Variants in MDGA2 observed in about 807,000 individuals in gnomAD.
MDGA2 encodes MAM domain containing glycosylphosphatidylinositol anchor 2, also known as MAM domain-containing glycosylphosphatidylinositol anchor protein 2.
Under a neutral mutation model 117.8 loss-of-function variants are expected in MDGA2, and 40 were observed. The observed-to-expected ratio is 0.34, with a 90% CI of 0.26 to 0.44. The LOEUF (loss-of-function observed/expected upper bound fraction) is 0.44, where lower values mean the gene tolerates loss of function less well. Ranked by LOEUF, MDGA2 falls within the 20% of genes least tolerant of loss-of-function variation. The pLI, the probability that MDGA2 is intolerant of heterozygous loss-of-function variation, is 1.00. For synonymous variants in MDGA2, 452 were observed against 439.0 expected, an observed-to-expected ratio of 1.03 and a Z score of -0.37; for missense variants, 1,123 against 1,250.6, an observed-to-expected ratio of 0.90 and a Z score of 1.54.
chr14:47,338,422 C>G lies in MDGA2; in HGVS notation c.281-36872G>C, dbSNP rs183755833. On this transcript the variant is annotated intron_variant, in intron 1 of 16. Transcript: ENST00000399232. ...TGCTAGTATCATGGGCTATAATGTC[C>G]TCATATATATATATATGAAATATAT... Among the ~76,000 whole-genome samples, 638 of 148,910 alleles carry G rather than the reference C, an allele frequency of 4.3e-3. 8 individuals carry two copies. The highest frequency in any genetic ancestry group is 0.015 in the African/African-American group (600 of 40,800).
intron 9 of MDGA2, among the ~76,000 whole-genome samples, chr14:46,956,639 A>T (rs1885571715): frequency 6.7e-6 from 1 of 148,394 alleles, no homozygotes; most frequent in South Asian, 2.1e-4. Context: ...TTCACATGAG[A>T]TTTGAATAGA....
intron 1 of MDGA2, among the ~76,000 whole-genome samples, chr14:47,414,969 T>G (rs1892445529): frequency 1.3e-5 from 2 of 152,110 alleles, no homozygotes; most frequent in Admixed American, 6.6e-5. Flanking sequence ...ATCTTAATAG[T>G]GAAAATGTAA....
intron 1 of MDGA2, among the ~76,000 whole-genome samples, chr14:47,394,025 G>A (rs192762140): frequency 7.9e-5 from 12 of 152,172 alleles, no homozygotes; most frequent in African/African-American, 2.9e-4. Flanking sequence ...ATACAAAATT[G>A]CTTGTGAACC....
intron 8 of MDGA2, among the ~76,000 whole-genome samples, chr14:47,004,817 C>G (rs1294689066): frequency 6.6e-6 from 1 of 151,648 alleles, no homozygotes; most frequent in South Asian, 2.1e-4. Flanking sequence ...TTTTCCCTGA[C>G]AATCATACAG....
At chr14:46,963,246 A>G (rs1267534909) in intron 8 of MDGA2, among the ~76,000 whole-genome samples, 2 of 152,224 alleles carry the variant, frequency 1.3e-5, no homozygotes, top group Non-Finnish European at 2.9e-5. Flanking sequence ...ATTTGTCACT[A>G]TATCCACTAC....
rs77857978 is a variant in MDGA2 at position 47,567,411 on chromosome 14, T to A, written c.280+107106A>T. Among the ~76,000 whole-genome samples, 593 of 152,326 alleles carry A rather than the reference T, an allele frequency of 3.9e-3. 3 individuals carry two copies. Among genetic ancestry groups the A allele is most frequent in the African/African-American group, 0.013 (555 of 41,586 alleles). ...CATACATTATCCTAGAAATGCTACA[T>A]GTTGAATGACACACTCTAGCAACCA... On this transcript the variant is annotated intron_variant, in intron 1 of 16. Transcript: ENST00000399232.
chr14:47,511,244 C>T (rs1894633847), intron 1 of MDGA2, among the ~76,000 whole-genome samples: 1 of 152,018 alleles, frequency 6.6e-6, no homozygotes, highest in African/African-American at 2.4e-5. Flanking sequence ...CAAAAGAAAC[C>T]TCATTACTGG....
chr14:47,262,057 A>T (rs1887814172), intron 2 of MDGA2, among the ~76,000 whole-genome samples: 2 of 152,178 alleles, frequency 1.3e-5, no homozygotes, highest in Admixed American at 1.3e-4. Flanking sequence ...GGCTGTAAAC[A>T]GGGAGCTGTG....
intron 1 of MDGA2, among the ~76,000 whole-genome samples, chr14:47,409,151 A>T (rs1449097158): frequency 1.3e-5 from 2 of 152,336 alleles, no homozygotes; most frequent in Non-Finnish European, 2.9e-5. Context: ...GAAGATGTAG[A>T]GAAAGCAAAT....
rs1199954820 is a variant in MDGA2, at chr14:46,900,801, TACAC to T, written c.2239-18584_2239-18581del. ...AAAGCTACGCACATGCAAACACAGA[TACAC>T]AAACAAATGAGTGCATGCATGTACA... On this transcript the variant is annotated intron_variant, in intron 10 of 16. Transcript: ENST00000399232. 5.3e-5 allele frequency among the ~76,000 whole-genome samples: 8 copies of T among 152,200 alleles called. No homozygotes were observed. In the South Asian group the frequency reaches 1.2e-3, roughly 24 times the overall value.
intron 6 of MDGA2, among the ~76,000 whole-genome samples, chr14:47,065,636 T>A (rs1019778131): frequency 6.6e-6 from 1 of 152,202 alleles, no homozygotes; most frequent in Non-Finnish European, 1.5e-5. Flanking sequence ...AAATGTTCCA[T>A]GAAGTATGCA....
intron 1 of MDGA2, among the ~76,000 whole-genome samples, chr14:47,446,962 C>G (rs1893136031): frequency 6.6e-6 from 1 of 152,136 alleles, no homozygotes; most frequent in Non-Finnish European, 1.5e-5. Flanking sequence ...CTTGTAGTGA[C>G]TCTAATCATT....
intron 5 of MDGA2, among the ~76,000 whole-genome samples, chr14:47,112,562 C>T (rs1881100203): frequency 6.6e-6 from 1 of 152,124 alleles, no homozygotes; most frequent in Non-Finnish European, 1.5e-5. Flanking sequence ...CATGTCCCTG[C>T]AAAGAACATC....
intron 1 of MDGA2, among the ~76,000 whole-genome samples, chr14:47,627,068 A>G (rs113409486): frequency 0.02 from 3,005 of 152,310 alleles, 98 homozygotes; most frequent in African/African-American, 0.067. Flanking sequence ...GAATGCACCA[A>G]TCGGCACTCT....
chr14:47,442,723 A>G (rs779327683), intron 1 of MDGA2, among the ~76,000 whole-genome samples: 8 of 152,078 alleles, frequency 5.3e-5, no homozygotes, highest in Non-Finnish European at 1.0e-4. Flanking sequence ...CGGATACCAC[A>G]TCTGTGTATT....
At chr14:47,426,390 T>C (rs1443948077) in intron 1 of MDGA2, among the ~76,000 whole-genome samples, 2 of 152,012 alleles carry the variant, frequency 1.3e-5, no homozygotes, top group Admixed American at 1.3e-4. Context: ...GTTTTCAGTA[T>C]GCCCCTACTT....
intron 1 of MDGA2, among the ~76,000 whole-genome samples, chr14:47,630,633 CA>C (rs1897238115): frequency 6.6e-6 from 1 of 152,104 alleles, no homozygotes; most frequent in Non-Finnish European, 1.5e-5. Flanking sequence ...CAAAATAAGC[CA>C]TATGCAGCTA....
At chr14:47,663,943 A>G (rs1389175286) in intron 1 of MDGA2, among the ~76,000 whole-genome samples, 2 of 152,160 alleles carry the variant, frequency 1.3e-5, no homozygotes, top group Non-Finnish European at 2.9e-5. Flanking sequence ...TTCAACAACA[A>G]GATCAATACA....
intron 1 of MDGA2, among the ~76,000 whole-genome samples, chr14:47,543,216 A>G (rs1895388167): frequency 6.6e-6 from 1 of 152,188 alleles, no homozygotes; most frequent in South Asian, 2.1e-4. Context: ...TCCCAGCGAC[A>G]ACAGCAGAGA....
Sources: gnomAD v4.1 joint callset for allele counts (sites outside exome capture counted in the v4.1 genomes callset) on GRCh38, gnomAD v4.1.1 for gene constraint, MANE v1.5 for transcripts, NCBI Gene and HGNC (gene_info 2026-07-23, HGNC 2026-07-21) for gene names.